The following SPATA17 variants were observed in gnomAD, a reference collection of about 807,000 sequenced individuals.
SPATA17 encodes the protein spermatogenesis-associated protein 17.
In SPATA17, 53 loss-of-function variants were observed where a neutral mutation model predicts 62.2. The ratio of observed to expected loss-of-function variants is 0.85; its 90% confidence interval spans 0.68 to 1.07. The LOEUF (loss-of-function observed/expected upper bound fraction) is 1.07, where lower values mean the gene tolerates loss of function less well. Among genes scored for constraint, SPATA17 ranks in the 50% least tolerant of loss-of-function variants. SPATA17 has a pLI of 0.00. For missense variants in SPATA17, 466 were observed against 425.5 expected (o/e 1.10, Z -0.84); for synonymous variants, 146 against 146.8 (o/e 0.99, Z 0.04).
intron 9 of SPATA17, among the ~76,000 whole-genome samples, chr1:217,856,281 A>G (rs1172579531): frequency 6.6e-6 from 1 of 152,204 alleles, no homozygotes; most frequent in Non-Finnish European, 1.5e-5. Context: ...TGTGCTGGAC[A>G]CTGTTTTAAT....
chr1:217,810,821 A>C (rs1184849535), intron 9 of SPATA17, among the ~76,000 whole-genome samples: 2 of 151,882 alleles, frequency 1.3e-5, no homozygotes, highest in Non-Finnish European at 2.9e-5. Flanking sequence ...GGAACTGCCA[A>C]ACACTTTTTT....
chr1:217,811,695 GA>G (rs34981943), intron 9 of SPATA17, among the ~76,000 whole-genome samples: 18,758 of 127,384 alleles, frequency 0.15, 1,246 homozygotes, highest in East Asian at 0.16. Context: ...TCCACCTCGA[GA>G]AAAAAAAAAA....
Position 217,774,345 on chromosome 1 carries a change from A to G in SPATA17, c.531A>G (p.Ile177Met). The G allele has an allele frequency of 6.2e-7, 1 of 1,613,500 alleles. No homozygotes were observed. Among genetic ancestry groups the G allele is most frequent in the Non-Finnish European group, 8.5e-7 (1 of 1,179,662 alleles). ...TTCTTCTTCTTTAGATTCCAGGAAT[A>G]TACAATTCACCCTTCAGAAAAGAGC... ...YLLSTKQIPG[I>M]YNSPFRKEPD... The change falls in exon 7 of 11, where the codon ATA becomes ATG. Residue 177 changes from isoleucine to methionine, a missense_variant. Coordinates refer to ENST00000366933, the MANE Select transcript of SPATA17 (RefSeq NM_138796.4).
chr1:217,661,679 G>T (rs544100103), intron 3 of SPATA17, among the ~76,000 whole-genome samples: 1 of 152,070 alleles, frequency 6.6e-6, no homozygotes, highest in African/African-American at 2.4e-5. Flanking sequence ...ACCCAAATTT[G>T]CCTATCTTAG....
chr1:217,772,411 A>G (rs1226019444), intron 6 of SPATA17, among the ~76,000 whole-genome samples: 1 of 152,248 alleles, frequency 6.6e-6, no homozygotes, highest in African/African-American at 2.4e-5. Context: ...AAATGCATTT[A>G]CATTAACTGC....
At chr1:217,835,999 C>A (rs1675252462) in intron 9 of SPATA17, among the ~76,000 whole-genome samples, 2 of 152,062 alleles carry the variant, frequency 1.3e-5, no homozygotes, top group Non-Finnish European at 2.9e-5. Context: ...TGATTGTACT[C>A]CCCACCTAAT....
rs550245646 is a variant in SPATA17 at position 217,634,656 on chromosome 1, A to T, written c.68+3210A>T. ...AATCTTTTAACTAATTTGTTATTCC[A>T]ACAAAGGCAGTCTAGTCCCCAGGCA... On this transcript the variant is annotated intron_variant, in intron 1 of 10. Transcript: ENST00000366933. Among the ~76,000 whole-genome samples the T allele has an allele frequency of 3.1e-4, 47 of 152,314 alleles. 1 individual carries two copies. Among genetic ancestry groups the T allele is most frequent in the African/African-American group, 9.6e-4 (40 of 41,568 alleles).
At chr1:217,811,624 C>T (rs776176855) in intron 9 of SPATA17, among the ~76,000 whole-genome samples, 6 of 149,586 alleles carry the variant, frequency 4.0e-5, no homozygotes, top group Non-Finnish European at 7.4e-5. Flanking sequence ...ACTTGGGCGG[C>T]GGAGGTTGGA....
chr1:217,786,757 T>TTCTTCTTCTTCTTCTTCC (rs1673876560), intron 8 of SPATA17, among the ~76,000 whole-genome samples: 2 of 102,690 alleles, frequency 1.9e-5, no homozygotes, highest in South Asian at 4.3e-4. Context: ...CTCTTTCTTC[T>TTCTTCTTCTTCTTCTTCC]TCTTCTTCTT....
intron 4 of SPATA17, among the ~76,000 whole-genome samples, chr1:217,676,280 A>T (rs1039797529): frequency 1.3e-5 from 2 of 152,114 alleles, no homozygotes; most frequent in African/African-American, 4.8e-5. Context: ...TTTTAAATGG[A>T]TTTTTGAGGA....
chr1:217,730,430 T>C (rs1470149691), intron 5 of SPATA17, among the ~76,000 whole-genome samples: 1 of 152,140 alleles, frequency 6.6e-6, no homozygotes, highest in Non-Finnish European at 1.5e-5. Context: ...TTGGCCATGC[T>C]GATCTCGAAC....
intron 1 of SPATA17, among the ~76,000 whole-genome samples, chr1:217,647,816 C>T (rs1019343682): frequency 2.6e-5 from 4 of 151,998 alleles, no homozygotes; most frequent in Non-Finnish European, 5.9e-5. Context: ...CTCTGCCTCC[C>T]GGGTTCAAGC....
intron 3 of SPATA17, among the ~76,000 whole-genome samples, chr1:217,668,656 T>A (rs929993160): frequency 1.3e-5 from 2 of 152,200 alleles, no homozygotes; most frequent in African/African-American, 4.8e-5. Flanking sequence ...ATTCCTTTTA[T>A]GTTTCTGTGA....
chr1:217,665,024 T>G (rs1418481855), intron 3 of SPATA17, among the ~76,000 whole-genome samples: 1 of 152,096 alleles, frequency 6.6e-6, no homozygotes, highest in East Asian at 1.9e-4. Flanking sequence ...GATTGAGGTT[T>G]AAGGGAAAGG....
intron 9 of SPATA17, among the ~76,000 whole-genome samples, chr1:217,821,886 T>A (rs1478274782): frequency 6.6e-6 from 1 of 152,094 alleles, no homozygotes; most frequent in African/African-American, 2.4e-5. Flanking sequence ...AATGAGTTCC[T>A]AGAAATGGGA....
chr1:217,764,808 A>C (rs1406935749), intron 6 of SPATA17, among the ~76,000 whole-genome samples: 3 of 152,110 alleles, frequency 2.0e-5, no homozygotes, highest in African/African-American at 7.2e-5. Context: ...CATGATAATG[A>C]CTATCTTTTC....
chr1:217,781,997 TGCTTG>T, intron 7 of SPATA17, 172 bp from the exon 8 acceptor site: 1 of 493,832 alleles, frequency 2.0e-6, no homozygotes. Context: ...GAGAGAACAT[TGCTTG>T]AAAATAAGTG....
intron 1 of SPATA17, among the ~76,000 whole-genome samples, chr1:217,632,950 C>T (rs1335963338): frequency 1.3e-5 from 2 of 152,150 alleles, no homozygotes; most frequent in Non-Finnish European, 2.9e-5. Context: ...GTAATCCCAG[C>T]ACTTTGGGAG....
At chr1:217,698,242 T>G (rs2102917127) in intron 5 of SPATA17, among the ~76,000 whole-genome samples, 1 of 152,284 alleles carries the variant, frequency 6.6e-6, no homozygotes, top group South Asian at 2.1e-4. Flanking sequence ...GAGAACAGCC[T>G]GGCTAACATA....
Sources: gnomAD v4.1 joint callset for allele counts (sites outside exome capture counted in the v4.1 genomes callset) on GRCh38, gnomAD v4.1.1 for gene constraint, MANE v1.5 for transcripts, NCBI Gene and HGNC (gene_info 2026-07-23, HGNC 2026-07-21) for gene names.